PCTP: variants seen among roughly 807,000 people sequenced by gnomAD.
PCTP encodes START domain-containing protein 2.
In PCTP, 27 loss-of-function variants were observed where a neutral mutation model predicts 31.0. The ratio of observed to expected loss-of-function variants is 0.87; its 90% CI spans 0.64 to 1.20. The LOEUF (loss-of-function observed/expected upper bound fraction) is 1.20, where lower values mean the gene tolerates loss of function less well. Ranked by LOEUF, PCTP falls within the 50% of genes most tolerant of loss-of-function variation. PCTP has a pLI of 0.00. For synonymous variants in PCTP, 108 were observed against 101.2 expected, an observed-to-expected ratio of 1.07 and a Z score of -0.40; for missense variants, 287 against 268.2, an observed-to-expected ratio of 1.07 and a Z score of -0.49.
chr17:55,788,092 C>G (rs1911817336), intron 3 of PCTP, among the ~76,000 whole-genome samples: 1 of 152,154 alleles, frequency 6.6e-6, no homozygotes, highest in African/African-American at 2.4e-5. Context: ...TTCCTTTCTA[C>G]CTCTCTTCCG....
chr17:55,789,514 T>G (rs1911876110), intron 3 of PCTP, among the ~76,000 whole-genome samples: 1 of 152,216 alleles, frequency 6.6e-6, no homozygotes, highest in Non-Finnish European at 1.5e-5. Context: ...GTGTCCTAAT[T>G]GCTGTGTCTG....
intron 1 of PCTP, among the ~76,000 whole-genome samples, chr17:55,759,359 G>T (rs1325442002): frequency 1.3e-5 from 2 of 152,158 alleles, no homozygotes; most frequent in East Asian, 1.9e-4. Flanking sequence ...CAACCCTGAA[G>T]GATTAGACCT....
chr17:55,840,806 C>T (rs1905954669), intron 5 of PCTP, among the ~76,000 whole-genome samples: 1 of 152,134 alleles, frequency 6.6e-6, no homozygotes, highest in Admixed American at 6.5e-5. Flanking sequence ...CTGAAATGCT[C>T]TAAAATTTGA....
chr17:55,812,560 A>AAT (rs1207493892), intron 3 of PCTP, among the ~76,000 whole-genome samples: 2 of 152,218 alleles, frequency 1.3e-5, no homozygotes, highest in Non-Finnish European at 2.9e-5. Flanking sequence ...GTGTGAGGTC[A>AAT]ATGATTTGAA....
At chr17:55,851,835 T>C in the PCTP span, among the ~76,000 whole-genome samples, 2 of 152,194 alleles carry the variant, frequency 1.3e-5, no homozygotes, top group African/African-American at 4.8e-5. Context: ...TGGCTTCCAG[T>C]TTTTTAAAAG....
downstream of PCTP, among the ~76,000 whole-genome samples, chr17:55,847,661 A>G (rs1906175656): frequency 6.6e-6 from 1 of 152,140 alleles, no homozygotes; most frequent in Non-Finnish European, 1.5e-5. Context: ...CCAGTCTGAA[A>G]GCTGGCAGTC....
In PCTP at chr17:55,773,747, A is replaced by C; in HGVS notation, c.363A>C (p.Arg121=). ...NRDYVYLRQR[R]DLDMEGRKIH... ...AGTATGTCTACCTTCGGCAGCGGCG[A>C]GACCTGGACATGGAAGGGAGGAAGA... The change falls in exon 4 of 6, where the codon CGA becomes CGC. Residue 121 remains arginine, a synonymous_variant. Transcript: ENST00000268896. The C allele has an allele frequency of 6.2e-7, 1 of 1,613,572 alleles. No individual in the cohort carries two copies. Among genetic ancestry groups the C allele is most frequent in the Non-Finnish European group, 8.5e-7 (1 of 1,179,668 alleles).
At chr17:55,814,059 A>G (rs1305973937) in intron 3 of PCTP, among the ~76,000 whole-genome samples, 1 of 152,078 alleles carries the variant, frequency 6.6e-6, no homozygotes, top group Non-Finnish European at 1.5e-5. Context: ...GTGTCAAAAA[A>G]AAAAAAAAGA....
chr17:55,798,941 AT>A (rs1194039909), intron 3 of PCTP, among the ~76,000 whole-genome samples: 2 of 152,008 alleles, frequency 1.3e-5, no homozygotes, highest in East Asian at 3.9e-4. Flanking sequence ...AAGGGTAAAT[AT>A]TTTTTAATTG....
the PCTP span, among the ~76,000 whole-genome samples, chr17:55,848,648 ATTCT>A: frequency 5.9e-5 from 9 of 152,348 alleles, no homozygotes; most frequent in East Asian, 1.5e-3. Flanking sequence ...ACTCTCAATC[ATTCT>A]TTAGGCTTGG....
At chr17:55,834,743 C>A (rs964647800) in intron 5 of PCTP, among the ~76,000 whole-genome samples, 2 of 151,780 alleles carry the variant, frequency 1.3e-5, no homozygotes, top group Admixed American at 1.3e-4. Context: ...AGAAAGAGTT[C>A]TATTGAATGG....
At chr17:55,824,237 A>C (rs908191541), downstream of PCTP, among the ~76,000 whole-genome samples, 1 of 152,086 alleles carries the variant, frequency 6.6e-6, no homozygotes, top group Non-Finnish European at 1.5e-5. Context: ...TCTTGCTTAC[A>C]AAGACCTCCG....
Position 55,757,901 on chromosome 17 carries a change from A to C in PCTP, c.141+6657A>C, listed in dbSNP as rs949269935. On this transcript the variant is annotated intron_variant, in intron 1 of 5. Transcript: ENST00000268896. ...CAAAAAATGTCTTAAGACAAAAGCAACATCCATTTTAGGGCTCCCTCTCCC... is the reference window on the plus strand; with the variant it reads ...CAAAAAATGTCTTAAGACAAAAGCACCATCCATTTTAGGGCTCCCTCTCCC... Among the ~76,000 whole-genome samples the C allele has an allele frequency of 1.4e-4, 21 of 152,228 alleles. No individual in the cohort carries two copies. The South Asian group carries it at 1.9e-3, about 14-fold the overall frequency.
chr17:55,850,602 G>A, the PCTP span, among the ~76,000 whole-genome samples: 1 of 151,844 alleles, frequency 6.6e-6, no homozygotes, highest in Non-Finnish European at 1.5e-5. Flanking sequence ...TTTATGCAAA[G>A]ATCTACGAAG....
At chr17:55,818,494 T>C (rs1004942661) in intron 3 of PCTP, among the ~76,000 whole-genome samples, 2 of 152,226 alleles carry the variant, frequency 1.3e-5, no homozygotes, top group Admixed American at 6.5e-5. Context: ...TTGGACAAAC[T>C]ACTTAGCTAT....
Position 55,776,767 on chromosome 17 carries a change from C to T in PCTP, c.*667C>T, listed in dbSNP as rs1017094645. ...TTTGGAGAAGTATCAGAGGCCTGAC[C>T]GGACACATAATATGACAACCACATT... is the stretch of plus-strand genomic sequence containing the variant. On this transcript the variant is annotated 3_prime_UTR_variant, in exon 6 of 6. Coordinates refer to ENST00000268896, the MANE Select transcript of PCTP (RefSeq NM_021213.4). The T allele has an allele frequency of 6.4e-5, 73 of 1,133,608 alleles. No individual in the cohort carries two copies. Among genetic ancestry groups the T allele is most frequent in the Non-Finnish European group, 7.1e-5 (66 of 926,056 alleles). 70.2% of individuals were successfully genotyped at this position (1,133,608 alleles called of 1,614,324 possible).
At chr17:55,850,909 T>G in the PCTP span, among the ~76,000 whole-genome samples, 1 of 152,248 alleles carries the variant, frequency 6.6e-6, no homozygotes, top group African/African-American at 2.4e-5. Flanking sequence ...TTAGTGATTC[T>G]AAAACCCACC....
rs181211030 is a variant in PCTP at position 55,829,720 on chromosome 17, A to C, written n.505+6793A>C. Among the ~76,000 whole-genome samples the C allele has an allele frequency of 9.2e-3, 1,357 of 147,556 alleles. 9 individuals are homozygous for C. Among genetic ancestry groups the C allele is most frequent in the Non-Finnish European group, 0.015 (971 of 66,534 alleles). ...CACACACACACACACACACACACAC[A>C]CCCTCTACAAGCTTGTAAAAGAACT... On this transcript the variant is annotated intron_variant and non_coding_transcript_variant, in intron 5 of 5. Transcript: ENST00000576221.
chr17:55,795,956 G>C lies in PCTP; in HGVS notation c.317+8302G>C, dbSNP rs1912173768. ...TAATGAAATATATGCTCTATTAAAG[G>C]TTCAAAAAAGTGTTCTGGTGATAGA... On this transcript the variant is annotated intron_variant, in intron 3 of 3. Coordinates refer to the PCTP transcript ENST00000572536. Among the ~76,000 whole-genome samples, 3 of 151,992 alleles carry C rather than the reference G, an allele frequency of 2.0e-5. No homozygotes were observed. The South Asian group carries it at 6.2e-4, about 31-fold the overall frequency.
Sources: allele counts gnomAD v4.1 joint callset (sites outside exome capture counted in the v4.1 genomes callset), GRCh38; gene constraint gnomAD v4.1.1; transcripts MANE v1.5; gene names NCBI Gene and HGNC (gene_info 2026-07-23, HGNC 2026-07-21).